Variants in UBE2R2 observed in about 807,000 individuals in gnomAD.
UBE2R2 encodes the protein ubiquitin-conjugating enzyme E2 R2.
UBE2R2 carries 1 observed loss-of-function variant against 27.8 expected under a neutral mutation model. The observed-to-expected ratio is 0.04, with a 90% CI of 0.01 to 0.17. The LOEUF (loss-of-function observed/expected upper bound fraction) is 0.17, where lower values mean the gene tolerates loss of function less well. Ranked by LOEUF, UBE2R2 falls within the 10% of genes least tolerant of loss-of-function variation. The pLI, the probability that UBE2R2 is intolerant of heterozygous loss-of-function variation, is 1.00. For synonymous variants in UBE2R2, 106 were observed against 113.3 expected, an observed-to-expected ratio of 0.94 and a Z score of 0.41; for missense variants, 100 against 291.0, an observed-to-expected ratio of 0.34 and a Z score of 4.78.
At chr9:33,885,474 A>G (rs1821835126) in intron 1 of UBE2R2, among the ~76,000 whole-genome samples, 1 of 152,244 alleles carries the variant, frequency 6.6e-6, no homozygotes, top group South Asian at 2.1e-4. Flanking sequence ...ATCCAATCAT[A>G]TGTAGACAGC....
At chr9:33,820,133 ACATGAGAGAAAATAATGGGTTG>A in intron 1 of UBE2R2, among the ~76,000 whole-genome samples, 1 of 152,256 alleles carries the variant, frequency 6.6e-6, no homozygotes, top group Non-Finnish European at 1.5e-5. Context: ...CAAAACTTGT[ACATGAGAGAAAATAATGGGTTG>A]CAAGTTGTAA....
intron 2 of UBE2R2, among the ~76,000 whole-genome samples, chr9:33,893,349 A>C (rs1822029717): frequency 6.6e-6 from 1 of 152,208 alleles, no homozygotes; most frequent in Non-Finnish European, 1.5e-5. Context: ...TGTTTCACTC[A>C]GCACAATATT....
At chr9:33,898,032 C>T (rs756522299) in intron 2 of UBE2R2, among the ~76,000 whole-genome samples, 2 of 152,128 alleles carry the variant, frequency 1.3e-5, no homozygotes, top group African/African-American at 4.8e-5. Flanking sequence ...GCCTTGGCTT[C>T]CCAAAGTGCT....
At chr9:33,911,011 G>C (rs943041910) in intron 3 of UBE2R2, among the ~76,000 whole-genome samples, 1 of 152,156 alleles carries the variant, frequency 6.6e-6, no homozygotes, top group African/African-American at 2.4e-5. Flanking sequence ...GGCTGAGACA[G>C]GAGAATTACT....
chr9:33,864,939 G>A (rs1821326721), intron 1 of UBE2R2, among the ~76,000 whole-genome samples: 1 of 151,916 alleles, frequency 6.6e-6, no homozygotes, highest in Non-Finnish European at 1.5e-5. Context: ...TGGCTGGCTG[G>A]TCTTGAACTC....
intron 1 of UBE2R2, among the ~76,000 whole-genome samples, chr9:33,886,140 C>G (rs1053385557): frequency 2.0e-5 from 3 of 152,126 alleles, no homozygotes; most frequent in African/African-American, 7.2e-5. Context: ...TAAGGGAAAT[C>G]AGCAATGTCA....
chr9:33,841,018 G>A (rs1185995963), intron 1 of UBE2R2, among the ~76,000 whole-genome samples: 2 of 151,882 alleles, frequency 1.3e-5, no homozygotes, highest in Non-Finnish European at 2.9e-5. Flanking sequence ...TCTGCCCCCC[G>A]GGTTCAAGCA....
chr9:33,828,429 G>A (rs113339876), intron 1 of UBE2R2, among the ~76,000 whole-genome samples: 1,732 of 139,048 alleles, frequency 0.012, 37 homozygotes, highest in African/African-American at 0.044. Flanking sequence ...TCTCACTGTC[G>A]TCCACGCTGG....
At chr9:33,851,801 T>C (rs10971735) in intron 1 of UBE2R2, among the ~76,000 whole-genome samples, 12,003 of 152,226 alleles carry the variant, frequency 0.079, 681 homozygotes, top group Non-Finnish European at 0.12. Context: ...AATGGACTCA[T>C]CTCCTATTTC....
At chr9:33,882,628 T>A (rs2130791892) in intron 1 of UBE2R2, among the ~76,000 whole-genome samples, 1 of 152,330 alleles carries the variant, frequency 6.6e-6, no homozygotes, top group Non-Finnish European at 1.5e-5. Context: ...ACCTGGGTGT[T>A]TGGGCTCCAG....
intron 2 of UBE2R2, among the ~76,000 whole-genome samples, chr9:33,895,387 A>G (rs1320927749): frequency 6.6e-6 from 1 of 152,210 alleles, no homozygotes; most frequent in Non-Finnish European, 1.5e-5. Context: ...CTGGACTCTC[A>G]ATTGTAAATT....
At chr9:33,911,805 T>C (rs998490318) in intron 3 of UBE2R2, among the ~76,000 whole-genome samples, 159 bp from the exon 4 acceptor site, 37 of 152,204 alleles carry the variant, frequency 2.4e-4, no homozygotes, top group African/African-American at 8.9e-4. Context: ...CAATAAAAAA[T>C]TTATATCTCT....
intron 1 of UBE2R2, among the ~76,000 whole-genome samples, chr9:33,864,730 T>C (rs1366554891): frequency 2.1e-4 from 31 of 151,170 alleles, no homozygotes; most frequent in Non-Finnish European, 3.2e-4. Context: ...AATTTTTTTT[T>C]TTTTTTTTTT....
chr9:33,865,857 G>GTC (rs1315167840), intron 1 of UBE2R2, among the ~76,000 whole-genome samples: 38 of 147,692 alleles, frequency 2.6e-4, no homozygotes, highest in Middle Eastern at 3.4e-3. Context: ...TTGAGATGGA[G>GTC]TCTCACTCTT....
At chr9:33,851,034 C>T (rs926452332) in intron 1 of UBE2R2, among the ~76,000 whole-genome samples, 1 of 152,226 alleles carries the variant, frequency 6.6e-6, no homozygotes, top group African/African-American at 2.4e-5. Flanking sequence ...CAGGCCTTTT[C>T]TTGCTTGTTG....
At chr9:33,876,316 A>G (rs1821601876) in intron 1 of UBE2R2, among the ~76,000 whole-genome samples, 1 of 152,184 alleles carries the variant, frequency 6.6e-6, no homozygotes, top group African/African-American at 2.4e-5. Context: ...AGATTGCGCC[A>G]ATGCACTCTA....
chr9:33,903,335 C>G (rs1186613562), intron 3 of UBE2R2, among the ~76,000 whole-genome samples: 1 of 151,902 alleles, frequency 6.6e-6, no homozygotes, highest in African/African-American at 2.4e-5. Context: ...GAGTAATAAC[C>G]CTAGATTAGA....
chr9:33,915,007 G>A (rs1047756396), intron 4 of UBE2R2, among the ~76,000 whole-genome samples: 2 of 151,826 alleles, frequency 1.3e-5, no homozygotes, highest in African/African-American at 4.8e-5. Context: ...GCTTATACCT[G>A]TAATCCCAGC....
intron 1 of UBE2R2, among the ~76,000 whole-genome samples, chr9:33,848,020 G>T (rs939722159): frequency 6.6e-6 from 1 of 152,046 alleles, no homozygotes; most frequent in African/African-American, 2.4e-5. Context: ...CTCCCAAAGT[G>T]CTGGGATTAC....
Sources: allele counts gnomAD v4.1 joint callset (sites outside exome capture counted in the v4.1 genomes callset), GRCh38; gene constraint gnomAD v4.1.1; transcripts MANE v1.5; gene names NCBI Gene and HGNC (gene_info 2026-07-23, HGNC 2026-07-21).